The following NDOR1 variants were observed in gnomAD, a reference collection of about 807,000 sequenced individuals.
NDOR1 encodes NADPH-dependent diflavin oxidoreductase 1.
NDOR1 carries 61 observed loss-of-function variants against 67.2 expected under a neutral mutation model. That is an observed-to-expected ratio of 0.91 (90% confidence interval 0.74 to 1.12). The LOEUF (loss-of-function observed/expected upper bound fraction) is 1.12. Among genes scored for constraint, NDOR1 ranks in the 50% most tolerant of loss-of-function variants. NDOR1 has a pLI of 0.00. For synonymous variants in NDOR1, 378 were observed against 343.7 expected (o/e 1.10, Z -1.10); for missense variants, 878 against 802.8 (o/e 1.09, Z -1.13).
Position 137,212,587 on chromosome 9 carries a change from C to G in NDOR1, c.299C>G (p.Ser100Cys). The change falls in exon 3 of 14, where the codon TCC becomes TGC. Residue 100 changes from serine to cysteine, a missense_variant. Coordinates refer to ENST00000684003, the MANE Select transcript of NDOR1 (RefSeq NM_014434.4). The surrounding 1 kb of genome is among the most constrained non-coding windows in gnomAD (Gnocchi z 4.3). Reference protein sequence around the residue: ...MDFAVLGLGDSSYAKFNFVAK... With the variant: ...MDFAVLGLGDCSYAKFNFVAK... ...TTTGCCGTCCTGGGCCTCGGGGACT[C>G]CTCATACGCCAAGTGAGTAGGGGAT... 1 of 1,613,748 alleles carries G rather than the reference C, an allele frequency of 6.2e-7. No homozygotes were observed. Among genetic ancestry groups the G allele is most frequent in the Non-Finnish European group, 8.5e-7 (1 of 1,179,664 alleles).
rs761720544 is a variant in NDOR1, at chr9:137,205,923, G to C, written c.135+11G>C. 2 of 1,578,316 alleles carry C rather than the reference G, an allele frequency of 1.3e-6. No individual in the cohort carries two copies. Among genetic ancestry groups the C allele is most frequent in the African/African-American group, 2.7e-5 (2 of 74,232 alleles). On this transcript the variant is annotated intron_variant, in intron 1 of 13. Coordinates refer to ENST00000684003, the MANE Select transcript of NDOR1 (RefSeq NM_014434.4). ...GACTCCTACCCGGTGGTGAGGGCTC[G>C]CTAGGGCCTCGGCGTGGGGGACGAG...
intron 2 of NDOR1, among the ~76,000 whole-genome samples, chr9:137,207,927 G>A (rs1402536933): frequency 1.3e-5 from 2 of 151,866 alleles, no homozygotes; most frequent in African/African-American, 4.8e-5. Context: ...GGCGAATCAC[G>A]AGGTCAGGAG....
chr9:137,211,098 A>G (rs7047363), intron 2 of NDOR1, among the ~76,000 whole-genome samples: 131,059 of 152,184 alleles, frequency 0.86, 56,578 homozygotes, highest in East Asian at 0.92. Context: ...CTGAGGTCGC[A>G]CCATTGCACT....
chr9:137,210,371 C>T (rs1424860402), intron 2 of NDOR1, among the ~76,000 whole-genome samples: 1 of 151,966 alleles, frequency 6.6e-6, no homozygotes, highest in East Asian at 1.9e-4. Context: ...TGCAGGTGCG[C>T]ACCACCACAT....
Position 137,212,626 on chromosome 9 carries a change from G to T in NDOR1, c.311+27G>T. 1 of 1,590,550 alleles carries T rather than the reference G, an allele frequency of 6.3e-7. No homozygotes were observed. ...TGAGTAGGGGATGGGACAGTGGGCG[G>T]ACGGAACAGTTCTGGGGGTCGAGCA... On this transcript the variant is annotated intron_variant, in intron 3 of 13. Transcript: ENST00000684003. The surrounding 1 kb of genome is among the most constrained non-coding windows in gnomAD (Gnocchi z 4.3).
Position 137,215,732 on chromosome 9 carries a change from C to A in NDOR1, c.1362C>A (p.Ile454=). 6.2e-7 allele frequency: 1 copy of A among 1,602,946 alleles called. No individual in the cohort carries two copies. Among genetic ancestry groups the A allele is most frequent in the Non-Finnish European group, 8.5e-7 (1 of 1,173,648 alleles). Residue 454 remains isoleucine (I), a synonymous_variant, in exon 11 of 14, where the codon ATC becomes ATA. Coordinates refer to ENST00000684003, the MANE Select transcript of NDOR1 (RefSeq NM_014434.4). ...CAGAGACACCAGACACACCTGTGATCATGGTGGGGCCTGGCACTGGGGTAG... is the reference window on the plus strand; with the variant it reads ...CAGAGACACCAGACACACCTGTGATAATGGTGGGGCCTGGCACTGGGGTAG... ...AFPETPDTPV[I]MVGPGTGVAP...
rs1835314927 is a variant in NDOR1, at chr9:137,212,571, C to G, written c.283C>G (p.Leu95Val). The change falls in exon 3 of 14, where the codon CTG becomes GTG. Residue 95 changes from leucine (L) to valine (V), a missense_variant. Physicochemically the swap from Leu to Val is conservative, Grantham distance 32. Coordinates refer to ENST00000684003, the MANE Select transcript of NDOR1 (RefSeq NM_014434.4). The surrounding 1 kb of genome is among the most constrained non-coding windows in gnomAD (Gnocchi z 4.3). ...TALCQMDFAVLGLGDSSYAKF... is the reference protein window; with the variant it reads ...TALCQMDFAVVGLGDSSYAKF... Reference sequence around the variant, plus strand: ...CCTCTGTCAGATGGACTTTGCCGTCCTGGGCCTCGGGGACTCCTCATACGC... The same window carrying G: ...CCTCTGTCAGATGGACTTTGCCGTCGTGGGCCTCGGGGACTCCTCATACGC... The G allele has an allele frequency of 6.2e-7, 1 of 1,614,068 alleles. No individual in the cohort carries two copies. The highest frequency in any genetic ancestry group is 8.5e-7 in the Non-Finnish European group (1 of 1,179,962).
At position 137,212,849 on chromosome 9, in the gene NDOR1, A is replaced by G; in HGVS notation, c.311+250A>G. ...AGCCACGCTGACGTCACACAGGCCT[A>G]CCTGGCGCCGGTCCCCACTTTTACA... is the stretch of plus-strand genomic sequence containing the variant. On this transcript the variant is annotated intron_variant, in intron 3 of 13. Transcript: ENST00000684003. The surrounding 1 kb of genome is among the most constrained non-coding windows in gnomAD (Gnocchi z 4.3). 2.0e-6 allele frequency: 1 copy of G among 507,620 alleles called. No homozygotes were observed. Among genetic ancestry groups the G allele is most frequent in the South Asian group, 2.5e-5 (1 of 39,742 alleles). 31.4% of individuals were successfully genotyped at this position (507,620 alleles called of 1,614,324 possible).
Position 137,215,541 on chromosome 9 carries a change from T to C in NDOR1, c.1288+20T>C, listed in dbSNP as rs1255485251. The stretch of plus-strand genomic sequence containing the variant: ...GGCAAGGTGACCCCTGCTCCCAGGG[T>C]GGGGGCCGTGGGCCCATATCCCCTT... On this transcript the variant is annotated intron_variant, in intron 10 of 13. Transcript: ENST00000684003. 2 of 1,611,894 alleles carry C rather than the reference T, an allele frequency of 1.2e-6. No individual in the cohort carries two copies. Among genetic ancestry groups the C allele is most frequent in the African/African-American group, 1.3e-5 (1 of 74,918 alleles).
At chr9:137,211,759 G>A (rs1473862156) in intron 2 of NDOR1, among the ~76,000 whole-genome samples, 3 of 152,122 alleles carry the variant, frequency 2.0e-5, no homozygotes, top group Non-Finnish European at 2.9e-5. Flanking sequence ...GACAAGGCCA[G>A]GGCCTCCCTG....
Position 137,213,953 on chromosome 9 carries a change from G to A in NDOR1, c.411-14G>A, listed in dbSNP as rs775609055. On this transcript the variant is annotated splice_polypyrimidine_tract_variant and intron_variant, in intron 4 of 13. Transcript: ENST00000684003. ...GCAGGGTCCGCTCAGGCCAGCGCACGTGCTCCCTCCCAGGCCCGACGCTGC... is the reference window on the plus strand; with the variant it reads ...GCAGGGTCCGCTCAGGCCAGCGCACATGCTCCCTCCCAGGCCCGACGCTGC... The A allele has an allele frequency of 1.1e-5, 17 of 1,569,826 alleles. No homozygotes were observed. The highest frequency in any genetic ancestry group is 2.3e-5 in the East Asian group (1 of 42,902).
chr9:137,214,158 G>A (rs779110063), intron 5 of NDOR1, 46 bp from the exon 6 acceptor site: 103 of 1,562,474 alleles, frequency 6.6e-5, no homozygotes, highest in Non-Finnish European at 8.3e-5. Context: ...TGGGTGGGCG[G>A]CCCCTGGGGA....
chr9:137,208,143 CAA>C (rs34327783), intron 2 of NDOR1, among the ~76,000 whole-genome samples: 19 of 57,086 alleles, frequency 3.3e-4, no homozygotes, highest in Non-Finnish European at 2.4e-4. Flanking sequence ...TAGACTCTGT[CAA>C]AAAAAAAAAA....
At chr9:137,213,692 C>T in intron 3 of NDOR1, 88 bp from the exon 4 acceptor site, 1 of 1,340,804 alleles carries the variant, frequency 7.5e-7, no homozygotes, top group Non-Finnish European at 1.0e-6. Context: ...CACTCTTCGC[C>T]CGGGCTCCAC....
At chr9:137,208,860 TTTGTTGTTGTTTG>T (rs1482201390) in intron 2 of NDOR1, among the ~76,000 whole-genome samples, 3 of 151,766 alleles carry the variant, frequency 2.0e-5, no homozygotes, top group African/African-American at 4.8e-5. Flanking sequence ...ACATGTTTTT[TTTGTTGTTGTTTG>T]TTGTTGTTGT....
In NDOR1 at chr9:137,218,202, G is replaced by A. The variant is rs889939115; in HGVS notation, c.*1786G>A. ...TCGGCCTCCAGTGCCGACCTGGGCC[G>A]GGTGCGCTGCCCGCTGTGCCGCCAG... On this transcript the variant is annotated 3_prime_UTR_variant, in exon 14 of 14. Coordinates refer to ENST00000684003, the MANE Select transcript of NDOR1 (RefSeq NM_014434.4). 1.8e-5 allele frequency: 7 copies of A among 398,452 alleles called. No homozygotes were observed. Among genetic ancestry groups the A allele is most frequent in the East Asian group, 1.1e-4 (3 of 28,066 alleles). 24.7% of individuals were successfully genotyped at this position (398,452 alleles called of 1,614,324 possible).
intron 9 of NDOR1, 65 bp from the exon 10 acceptor site, chr9:137,215,342 C>A: frequency 6.4e-7 from 1 of 1,567,278 alleles, no homozygotes; most frequent in Non-Finnish European, 8.8e-7. Flanking sequence ...GTAGGTGGGG[C>A]CCACGGCCCA....
At position 137,218,547 on chromosome 9, in the gene NDOR1, C is replaced by T. The variant is rs112004403; in HGVS notation, c.*2131C>T. ...CTTCTGGGGCTGCTGCTGGTCTTCA[C>T]GCCGCTCCTGCTGCTGGGACTGCTC... On this transcript the variant is annotated 3_prime_UTR_variant, in exon 14 of 14. Transcript: ENST00000684003. The T allele has an allele frequency of 3.8e-4, 151 of 400,362 alleles. 2 individuals are homozygous for T. The highest frequency in any genetic ancestry group is 2.7e-3 in the African/African-American group (130 of 48,782). 24.8% of individuals were successfully genotyped at this position (400,362 alleles called of 1,614,324 possible).
Position 137,216,289 on chromosome 9 carries a change from C to T in NDOR1, c.1667C>T (p.Pro556Leu), listed in dbSNP as rs1259106684. 1.9e-6 allele frequency: 3 copies of T among 1,612,922 alleles called. No individual in the cohort carries two copies. Among genetic ancestry groups the T allele is most frequent in the Non-Finnish European group, 1.7e-6 (2 of 1,180,006 alleles). The stretch of plus-strand genomic sequence containing the variant: ...CCCTCTAGCAACGCCAAGTCCATGC[C>T]AGCGGACGTCTCGGAAGCCCTGATG... ...FYLAGNAKSMPADVSEALMSI... is the reference protein window; with the variant it reads ...FYLAGNAKSMLADVSEALMSI... Residue 556 changes from proline (P) to leucine (L), a missense_variant, in exon 14 of 14, where the codon CCA (proline) becomes CTA (leucine). Transcript: ENST00000684003.
Sources: allele counts gnomAD v4.1 joint callset (sites outside exome capture counted in the v4.1 genomes callset), GRCh38; gene constraint gnomAD v4.1.1; non-coding constraint Gnocchi (gnomAD v3.1); transcripts MANE v1.5; gene names NCBI Gene and HGNC (gene_info 2026-07-23, HGNC 2026-07-21).